Variants in SHROOM3 observed in about 807,000 individuals in gnomAD.
SHROOM3 encodes the protein shroom family member 3.
In SHROOM3, 47 loss-of-function variants were observed where a neutral mutation model predicts 138.6. The observed-to-expected ratio is 0.34, with a 90% CI of 0.27 to 0.43. The LOEUF is 0.43. Ranked by LOEUF, SHROOM3 falls within the 20% of genes least tolerant of loss-of-function variation. SHROOM3 has a pLI of 1.00. For synonymous variants in SHROOM3, 1,062 were observed against 1,063.3 expected (o/e 1.00, Z 0.02); for missense variants, 2,491 against 2,596.5 (o/e 0.96, Z 0.88).
chr4:76,506,645 A>G (rs115648472), intron 1 of SHROOM3, among the ~76,000 whole-genome samples: 1 of 152,226 alleles, frequency 6.6e-6, no homozygotes, highest in Admixed American at 6.5e-5. Flanking sequence ...TGAAGGATAT[A>G]GTATCCCAAA....
At chr4:76,647,584 T>C (rs1735852053) in intron 2 of SHROOM3, among the ~76,000 whole-genome samples, 1 of 152,158 alleles carries the variant, frequency 6.6e-6, no homozygotes, top group Non-Finnish European at 1.5e-5. Context: ...AACTGGTCAA[T>C]TTATTTTTCT....
At chr4:76,475,984 T>A (rs1560517591) in intron 1 of SHROOM3, among the ~76,000 whole-genome samples, 1 of 152,240 alleles carries the variant, frequency 6.6e-6, no homozygotes, top group African/African-American at 2.4e-5. Flanking sequence ...TACTGTTTTT[T>A]AAAAAAATTC....
intron 1 of SHROOM3, among the ~76,000 whole-genome samples, chr4:76,477,484 T>C (rs538652259): frequency 6.6e-4 from 101 of 152,340 alleles, no homozygotes; most frequent in African/African-American, 2.2e-3. Context: ...ATTCATAATG[T>C]TCACAGTGAC....
chr4:76,464,963 T>C (rs757167185), intron 1 of SHROOM3, among the ~76,000 whole-genome samples: 1 of 152,218 alleles, frequency 6.6e-6, no homozygotes, highest in Non-Finnish European at 1.5e-5. Context: ...GAAAATGGAC[T>C]AATACATCAC....
chr4:76,491,674 C>T (rs1731853009), intron 1 of SHROOM3, among the ~76,000 whole-genome samples: 2 of 152,096 alleles, frequency 1.3e-5, no homozygotes, highest in Non-Finnish European at 2.9e-5. Context: ...GACTCAGAGC[C>T]CTGACACTGG....
intron 2 of SHROOM3, among the ~76,000 whole-genome samples, chr4:76,567,792 T>C (rs2110036358): frequency 6.6e-6 from 1 of 152,298 alleles, no homozygotes; most frequent in South Asian, 2.1e-4. Flanking sequence ...TTCATGGAAT[T>C]TTCTCAGGAC....
chr4:76,776,243 T>G (rs1247914529), intron 10 of SHROOM3, among the ~76,000 whole-genome samples: 1 of 152,238 alleles, frequency 6.6e-6, no homozygotes, highest in African/African-American at 2.4e-5. Flanking sequence ...TCACGTTTGT[T>G]GACCATTTGT....
intron 3 of SHROOM3, among the ~76,000 whole-genome samples, chr4:76,719,912 G>C (rs13132537): frequency 1.3e-5 from 2 of 152,060 alleles, no homozygotes; most frequent in African/African-American, 4.8e-5. Context: ...GTGTTACAGC[G>C]TTATGACTGC....
At chr4:76,659,097 C>T (rs1736129064) in intron 2 of SHROOM3, among the ~76,000 whole-genome samples, 2 of 151,576 alleles carry the variant, frequency 1.3e-5, no homozygotes, top group East Asian at 3.9e-4. Flanking sequence ...CTCGGTTGGT[C>T]CTCTAGCATG....
intron 2 of SHROOM3, among the ~76,000 whole-genome samples, chr4:76,561,537 C>T (rs1733595695): frequency 6.6e-6 from 1 of 151,972 alleles, no homozygotes; most frequent in Non-Finnish European, 1.5e-5. Flanking sequence ...TAGGTAAGGA[C>T]TTGTCCAAGG....
At chr4:76,521,354 A>C (rs1419948858) in intron 1 of SHROOM3, among the ~76,000 whole-genome samples, 1 of 152,196 alleles carries the variant, frequency 6.6e-6, no homozygotes, top group Non-Finnish European at 1.5e-5. Flanking sequence ...AATTTTCAGA[A>C]TTATTTTATG....
At chr4:76,704,792 C>A (rs1355085099) in intron 2 of SHROOM3, among the ~76,000 whole-genome samples, 1 of 151,912 alleles carries the variant, frequency 6.6e-6, no homozygotes, top group Non-Finnish European at 1.5e-5. Flanking sequence ...TTGGAGGGGA[C>A]AGAAGTGGAA....
intron 9 of SHROOM3, among the ~76,000 whole-genome samples, chr4:76,768,361 CTTGCAGGTAAATTTCA>C (rs1348752503): frequency 1.3e-5 from 2 of 152,206 alleles, no homozygotes; most frequent in Non-Finnish European, 2.9e-5. Context: ...AACATGTTCT[CTTGCAGGTAAATTTCA>C]TAGCTTCCAG....
At position 76,740,605 on chromosome 4, in the gene SHROOM3, C is replaced by T; in HGVS notation, c.2432C>T (p.Pro811Leu). The change falls in exon 5 of 11, where the codon CCC becomes CTC. Residue 811 changes from proline (P) to leucine (L), a missense_variant. Pro to Leu is a moderately conservative substitution (Grantham distance 98). Transcript: ENST00000296043. This position sits in a 1 kb window ranked among gnomAD's most constrained non-coding sequence, Gnocchi z 4.0. ...GGSGFGHNYR[P>L]HRTVSTSSTS... ...TCTGGTTTTGGCCATAACTATAGGC[C>T]CCACAGGACCGTCTCAACTTCCAGT... 6.2e-7 allele frequency: 1 copy of T among 1,614,158 alleles called. No homozygotes were observed. Among genetic ancestry groups the T allele is most frequent in the Non-Finnish European group, 8.5e-7 (1 of 1,180,020 alleles).
chr4:76,764,336 A>T (rs1254423733), intron 9 of SHROOM3, among the ~76,000 whole-genome samples: 1 of 152,232 alleles, frequency 6.6e-6, no homozygotes, highest in Admixed American at 6.5e-5. Context: ...ATAATTCCCT[A>T]TTCTGAAGTC....
intron 3 of SHROOM3, among the ~76,000 whole-genome samples, chr4:76,717,758 T>C (rs1171837617): frequency 6.6e-6 from 1 of 152,208 alleles, no homozygotes; most frequent in East Asian, 1.9e-4. Context: ...GGAACCCATG[T>C]GTATATTCTA....
At chr4:76,503,167 CCACACACACACA>C (rs111393161) in intron 1 of SHROOM3, among the ~76,000 whole-genome samples, 4 of 145,934 alleles carry the variant, frequency 2.7e-5, no homozygotes, top group African/African-American at 1.0e-4. Context: ...TTGTCAACTT[CCACACACACACA>C]CACACACACA....
At chr4:76,612,418 T>C (rs571388673) in intron 2 of SHROOM3, among the ~76,000 whole-genome samples, 2 of 152,308 alleles carry the variant, frequency 1.3e-5, no homozygotes, top group East Asian at 3.9e-4. Context: ...CAGTAAGTTT[T>C]AACTCCCTTT....
chr4:76,730,922 AG>A lies in SHROOM3; in HGVS notation c.575del (p.Ser192ThrfsTer19). ...QGMIGPPWHQ[S>X]YHSSSSTSDL... is the part of the protein sequence containing the mutation. ...TATGATCGGCCCTCCTTGGCACCAA[AG>A]CTACCATTCCAGGTAAGTGGCTATA... On this transcript the variant is annotated frameshift_variant, in exon 4 of 11. Transcript: ENST00000296043. LOFTEE classifies it high-confidence loss of function. 6.2e-7 allele frequency: 1 copy of A among 1,614,156 alleles called. No homozygotes were observed. The highest frequency in any genetic ancestry group is 8.5e-7 in the Non-Finnish European group (1 of 1,180,020).
Sources: allele counts gnomAD v4.1 joint callset (sites outside exome capture counted in the v4.1 genomes callset), GRCh38; gene constraint gnomAD v4.1.1; non-coding constraint Gnocchi (gnomAD v3.1); transcripts MANE v1.5; gene names NCBI Gene and HGNC (gene_info 2026-07-23, HGNC 2026-07-21).